Variants in SIL1 observed in about 807,000 individuals in gnomAD.
The protein encoded by SIL1 is SIL1 nucleotide exchange factor, also known as nucleotide exchange factor SIL1.
A neutral mutation model predicts 49.1 loss-of-function variants in SIL1; 40 were observed. The observed-to-expected ratio is 0.81, with a 90% CI of 0.63 to 1.06. SIL1 has a LOEUF of 1.06. SIL1 is among the 50% of genes least tolerant of loss of function. The pLI is 0.00. For synonymous variants in SIL1, 253 were observed against 250.8 expected, an observed-to-expected ratio of 1.01 and a Z score of -0.08; for missense variants, 500 against 572.6, an observed-to-expected ratio of 0.87 and a Z score of 1.29.
In SIL1 at chr5:139,073,530, C is replaced by T. The variant is rs529187477; in HGVS notation, c.245-22484G>A. ...GCAGAATCATAGTTAACCAGGACTG[C>T]GGTAGTTGAGGAGGTGGGGTAGAGG... On this transcript the variant is annotated intron_variant, in intron 3 of 9. Coordinates refer to ENST00000394817, the MANE Select transcript of SIL1 (RefSeq NM_022464.5). Among the ~76,000 whole-genome samples, 72 of 152,076 alleles carry T rather than the reference C, an allele frequency of 4.7e-4. No homozygotes were observed. In the South Asian group the frequency reaches 0.013, roughly 28 times the overall value.
intron 7 of SIL1, among the ~76,000 whole-genome samples, chr5:138,971,577 C>T (rs1460738031): frequency 6.6e-6 from 1 of 152,168 alleles, no homozygotes; most frequent in Non-Finnish European, 1.5e-5. Flanking sequence ...GATTAACTCC[C>T]CTGAACCTGG....
At position 139,083,184 on chromosome 5, in the gene SIL1, C is replaced by T. The variant is rs557808242; in HGVS notation, c.245-32138G>A. Among the ~76,000 whole-genome samples, 8 of 152,314 alleles carry T rather than the reference C, an allele frequency of 5.3e-5. No homozygotes were observed. In the South Asian group the frequency reaches 1.7e-3, roughly 32 times the overall value. On this transcript the variant is annotated intron_variant, in intron 3 of 9. Coordinates refer to ENST00000394817, the MANE Select transcript of SIL1 (RefSeq NM_022464.5). Reference sequence around the variant, plus strand: ...GGAATATAAGTAAGAGCACCTGCCACTGGGAGAAACTAGGGAGGTGAAAAT... The same window carrying T: ...GGAATATAAGTAAGAGCACCTGCCATTGGGAGAAACTAGGGAGGTGAAAAT...
chr5:139,067,892 A>AT, intron 3 of SIL1, among the ~76,000 whole-genome samples: 1 of 152,358 alleles, frequency 6.6e-6, no homozygotes, highest in South Asian at 2.1e-4. Context: ...TGATATATGG[A>AT]TAGAGTGTTC....
At chr5:139,079,847 T>C (rs1432662812) in intron 3 of SIL1, among the ~76,000 whole-genome samples, 1 of 152,216 alleles carries the variant, frequency 6.6e-6, no homozygotes, top group Non-Finnish European at 1.5e-5. Flanking sequence ...TTAGCAAATA[T>C]GCACTGGCTA....
intron 3 of SIL1, among the ~76,000 whole-genome samples, chr5:139,071,902 T>C (rs1769842980): frequency 6.6e-6 from 1 of 151,976 alleles, no homozygotes; most frequent in African/African-American, 2.4e-5. Flanking sequence ...CCTGACCTCA[T>C]GGTCCCCCCG....
At chr5:139,065,191 G>A (rs1769678818) in intron 3 of SIL1, among the ~76,000 whole-genome samples, 1 of 152,146 alleles carries the variant, frequency 6.6e-6, no homozygotes, top group African/African-American at 2.4e-5. Context: ...CAAACTGAGA[G>A]GGCAGCAAAT....
intron 7 of SIL1, among the ~76,000 whole-genome samples, chr5:138,993,531 G>A (rs1404212270): frequency 2.0e-5 from 3 of 152,104 alleles, no homozygotes; most frequent in Non-Finnish European, 4.4e-5. Context: ...AATGGAATAC[G>A]GCAAAGGTGA....
chr5:139,131,565 A>C (rs1373261707), intron 1 of SIL1: 1 of 151,796 alleles, frequency 6.6e-6, no homozygotes, highest in Non-Finnish European at 1.5e-5. Flanking sequence ...TGCTACACTC[A>C]CCCAGCAGCA....
intron 7 of SIL1, among the ~76,000 whole-genome samples, chr5:138,965,910 C>T (rs67296915): frequency 0.43 from 64,835 of 151,388 alleles, 15,256 homozygotes; most frequent in African/African-American, 0.64. Flanking sequence ...AAGCCTTATA[C>T]AGAGAGTGAC....
At chr5:139,127,699 C>T in intron 2 of SIL1, 40 bp downstream of exon 2, 2 of 1,535,804 alleles carry the variant, frequency 1.3e-6, no homozygotes, top group African/African-American at 1.4e-5. Flanking sequence ...TTCTCAAGAC[C>T]TCATCAAGGG....
At chr5:139,018,910 G>A (rs1768459399) in intron 7 of SIL1, among the ~76,000 whole-genome samples, 1 of 152,146 alleles carries the variant, frequency 6.6e-6, no homozygotes, top group Non-Finnish European at 1.5e-5. Flanking sequence ...GGCTTAGAAA[G>A]GTTGTCCATG....
At chr5:139,121,197 T>C (rs1398243679) in intron 2 of SIL1, 24 bp from the exon 3 acceptor site, 2 of 1,613,914 alleles carry the variant, frequency 1.2e-6, no homozygotes, top group South Asian at 2.2e-5. Flanking sequence ...ACACAGGGCA[T>C]GACCCACTGC....
intron 5 of SIL1, 135 bp from the exon 6 acceptor site, chr5:139,027,127 A>T: frequency 1.2e-6 from 1 of 810,470 alleles, no homozygotes; most frequent in Non-Finnish European, 2.0e-6. Flanking sequence ...ATGCTATCAA[A>T]AATACTAATA....
intron 3 of SIL1, among the ~76,000 whole-genome samples, chr5:139,091,793 TCGG>T (rs1288347917): frequency 7.2e-5 from 11 of 152,284 alleles, no homozygotes; most frequent in African/African-American, 2.6e-4. Context: ...AACAGAAGAC[TCGG>T]CTAACCAGGA....
chr5:139,114,515 T>C (rs1770943959), intron 3 of SIL1, among the ~76,000 whole-genome samples: 1 of 152,158 alleles, frequency 6.6e-6, no homozygotes, highest in Admixed American at 6.5e-5. Context: ...CCCAAGTGGT[T>C]CTCCCTAACA....
Position 139,160,143 on chromosome 5 carries a change from TCACACACACACACA to T in SIL1, c.-10-32304_-10-32291del, listed in dbSNP as rs57028301. ...ACCCATCCCAATCACATTTCCACAA[TCACACACACACACA>T]CACACACACACACACACACACACAC... On this transcript the variant is annotated intron_variant, in intron 1 of 9. Coordinates refer to ENST00000394817, the MANE Select transcript of SIL1 (RefSeq NM_022464.5). Among the ~76,000 whole-genome samples the T allele has an allele frequency of 7.6e-3, 1,050 of 137,858 alleles. 8 individuals carry two copies. Among genetic ancestry groups the T allele is most frequent in the Non-Finnish European group, 0.012 (742 of 64,066 alleles). The allele number at this position is 137,858 out of a possible 152,430, so 90.4% of individuals were successfully genotyped here. A position where few individuals can be genotyped will look rare whatever the true frequency, so the allele number is the denominator to read the frequency against.
chr5:139,048,369 GTTTTT>G (rs35482601), intron 4 of SIL1, among the ~76,000 whole-genome samples: 6 of 87,778 alleles, frequency 6.8e-5, no homozygotes, highest in East Asian at 5.3e-4. Context: ...TTTGTTGTTG[GTTTTT>G]TTTTTTTTTT....
Position 139,097,485 on chromosome 5 carries a change from C to CT in SIL1, c.244+23549dup, listed in dbSNP as rs58976541. On this transcript the variant is annotated intron_variant, in intron 3 of 9. Coordinates refer to ENST00000394817, the MANE Select transcript of SIL1 (RefSeq NM_022464.5). ...ACATACAAAAATCAGTAGCATTTCT[C>CT]TTTTTTTTTTTTTTTAAGACTTCTC... Among the ~76,000 whole-genome samples, 499 of 143,146 alleles carry CT rather than the reference C, an allele frequency of 3.5e-3. 2 individuals carry two copies. The highest frequency in any genetic ancestry group is 4.3e-3 in the African/African-American group (167 of 39,222). 93.9% of individuals were successfully genotyped at this position (143,146 alleles called of 152,430 possible).
chr5:138,949,173 C>G (rs941152930), intron 9 of SIL1, among the ~76,000 whole-genome samples: 1 of 152,218 alleles, frequency 6.6e-6, no homozygotes, highest in African/African-American at 2.4e-5. Flanking sequence ...CAGGCAGGGT[C>G]CCCCTGCGGC....
Sources: allele counts gnomAD v4.1 joint callset (sites outside exome capture counted in the v4.1 genomes callset), GRCh38; gene constraint gnomAD v4.1.1; transcripts MANE v1.5; gene names NCBI Gene and HGNC (gene_info 2026-07-23, HGNC 2026-07-21).